The following ESRRG variants were observed in gnomAD, a reference collection of about 807,000 sequenced individuals.
ESRRG encodes estrogen-related receptor gamma.
In ESRRG, 13 loss-of-function variants were observed where a neutral mutation model predicts 44.0. That is an observed-to-expected ratio of 0.30 (90% CI 0.19 to 0.47). The LOEUF is 0.47. ESRRG is among the 20% of genes least tolerant of loss of function. The pLI, the probability that ESRRG is intolerant of heterozygous loss-of-function variation, is 1.00. For synonymous variants in ESRRG, 215 were observed against 214.6 expected (o/e 1.00, Z -0.02); for missense variants, 395 against 580.6 (o/e 0.68, Z 3.29).
At chr1:216,649,992 G>A (rs968044891) in intron 3 of ESRRG, among the ~76,000 whole-genome samples, 11 of 152,050 alleles carry the variant, frequency 7.2e-5, no homozygotes, top group African/African-American at 2.4e-4. Flanking sequence ...AATAGGACAA[G>A]CCCCAGAAAC....
intron 2 of ESRRG, among the ~76,000 whole-genome samples, chr1:216,745,261 C>T (rs752444030): frequency 1.4e-4 from 22 of 152,202 alleles, no homozygotes; most frequent in Non-Finnish European, 2.5e-4. Context: ...TGGGCTCCAG[C>T]GATCCTCTCA....
intron 5 of ESRRG, among the ~76,000 whole-genome samples, chr1:216,560,146 A>G (rs1297471820): frequency 6.6e-6 from 1 of 152,110 alleles, no homozygotes; most frequent in Non-Finnish European, 1.5e-5. Context: ...TTATTACATC[A>G]TCTTCCTTAT....
intron 6 of ESRRG, among the ~76,000 whole-genome samples, chr1:216,513,623 T>A (rs2043346056): frequency 6.6e-6 from 1 of 152,134 alleles, no homozygotes; most frequent in South Asian, 2.1e-4. Flanking sequence ...ACAGAAAACC[T>A]CCATGGTCGT....
chr1:216,806,541 G>A (rs753632746), intron 2 of ESRRG, among the ~76,000 whole-genome samples: 1 of 152,072 alleles, frequency 6.6e-6, no homozygotes, highest in South Asian at 2.1e-4. Context: ...GAGGCATGAC[G>A]ATGCAAAAGA....
At chr1:216,739,926 T>G (rs1339364892) in intron 2 of ESRRG, among the ~76,000 whole-genome samples, 1 of 152,150 alleles carries the variant, frequency 6.6e-6, no homozygotes, top group Non-Finnish European at 1.5e-5. Flanking sequence ...CCTGCCAGAC[T>G]CCTTCATTCC....
chr1:217,039,436 T>A (rs1319367635), intron 1 of ESRRG, among the ~76,000 whole-genome samples: 1 of 152,188 alleles, frequency 6.6e-6, no homozygotes, highest in Non-Finnish European at 1.5e-5. Flanking sequence ...CTCACAATCA[T>A]GGCATAAGGC....
At chr1:216,922,260 A>T (rs2061941512) in intron 2 of ESRRG, among the ~76,000 whole-genome samples, 1 of 152,232 alleles carries the variant, frequency 6.6e-6, no homozygotes, top group Non-Finnish European at 1.5e-5. Context: ...AGATAAAATT[A>T]AAAATAATAG....
intron 2 of ESRRG, among the ~76,000 whole-genome samples, chr1:216,878,015 G>T (rs1222954464): frequency 6.6e-6 from 1 of 152,176 alleles, no homozygotes; most frequent in Non-Finnish European, 1.5e-5. Flanking sequence ...GAATAAAACT[G>T]CTGGGTCATG....
At chr1:216,514,331 T>A (rs1326671263) in intron 6 of ESRRG, among the ~76,000 whole-genome samples, 1 of 152,162 alleles carries the variant, frequency 6.6e-6, no homozygotes, top group Non-Finnish European at 1.5e-5. Context: ...AAAGTTATAA[T>A]TTTGATTTCT....
intron 3 of ESRRG, among the ~76,000 whole-genome samples, chr1:216,634,357 G>A (rs1027726356): frequency 1.3e-5 from 2 of 151,868 alleles, no homozygotes. Flanking sequence ...TGCAAAGCAA[G>A]AGTTACAGTG....
At chr1:216,794,709 G>C (rs568736951) in intron 2 of ESRRG, among the ~76,000 whole-genome samples, 2 of 152,138 alleles carry the variant, frequency 1.3e-5, no homozygotes, top group African/African-American at 2.4e-5. Context: ...TAGTGAAAAG[G>C]GTTCACTGAG....
At position 216,937,885 on chromosome 1, in the gene ESRRG, C is replaced by A. The variant is rs551750567; in HGVS notation, c.-14+1697G>T. On this transcript the variant is annotated intron_variant, in intron 2 of 7. Coordinates refer to the ESRRG transcript ENST00000359162. ...GTGACCCACCAAAGAAATAGATTTA[C>A]CTTTTCCAAACTGAAATTGGCCTGC... Among the ~76,000 whole-genome samples the A allele has an allele frequency of 1.7e-4, 25 of 150,880 alleles. 1 individual carries two copies. The highest frequency in any genetic ancestry group is 5.6e-4 in the African/African-American group (23 of 40,850).
chr1:217,102,779 A>C (rs2092536296), intron 1 of ESRRG, among the ~76,000 whole-genome samples: 1 of 152,174 alleles, frequency 6.6e-6, no homozygotes, highest in Non-Finnish European at 1.5e-5. Flanking sequence ...TTTGGGAGAC[A>C]CTGGCACATA....
chr1:216,981,033 C>A (rs1488493275), intron 1 of ESRRG, among the ~76,000 whole-genome samples: 1 of 152,076 alleles, frequency 6.6e-6, no homozygotes, highest in Non-Finnish European at 1.5e-5. Flanking sequence ...TTATTAAGTA[C>A]CTACTAAGGC....
intron 1 of ESRRG, among the ~76,000 whole-genome samples, chr1:217,025,409 T>C (rs1359292766): frequency 6.6e-6 from 1 of 152,206 alleles, no homozygotes. Context: ...TTTCTGTACC[T>C]CTACACTAAA....
intron 3 of ESRRG, among the ~76,000 whole-genome samples, chr1:216,635,396 G>A (rs1413329794): frequency 6.6e-6 from 1 of 152,134 alleles, no homozygotes; most frequent in African/African-American, 2.4e-5. Context: ...ATAGCAAATG[G>A]TTTTTAAGGG....
chr1:216,505,822 C>A lies in ESRRG; in HGVS notation c.*1117G>T, dbSNP rs978290389. On this transcript the variant is annotated 3_prime_UTR_variant, in exon 7 of 7. Transcript: ENST00000408911. ...GTGATAATATGCACCTTCCCTTCAA[C>A]TATTGCTTGAGTAAGTTAAATTCCC... The A allele has an allele frequency of 6.6e-6, 1 of 152,574 alleles. No individual in the cohort carries two copies. The highest frequency in any genetic ancestry group is 2.4e-5 in the African/African-American group (1 of 41,448). The allele number at this position is 152,574 out of a possible 1,614,324, so 9.5% of individuals were successfully genotyped here. A position where few individuals can be genotyped will look rare whatever the true frequency, so the allele number is the denominator to read the frequency against.
At chr1:216,878,142 A>C (rs1425566059) in intron 2 of ESRRG, among the ~76,000 whole-genome samples, 1 of 152,136 alleles carries the variant, frequency 6.6e-6, no homozygotes, top group Non-Finnish European at 1.5e-5. Flanking sequence ...ATTTTTACTT[A>C]ATTCATGTTG....
Position 216,694,058 on chromosome 1 carries a change from G to T in ESRRG, c.57-16567C>A, listed in dbSNP as rs558039311. Among the ~76,000 whole-genome samples, 3 of 152,286 alleles carry T rather than the reference G, an allele frequency of 2.0e-5. No individual in the cohort carries two copies. In the South Asian group the frequency reaches 6.2e-4, roughly 32 times the overall value. On this transcript the variant is annotated intron_variant, in intron 1 of 6. Coordinates refer to ENST00000408911, the MANE Select transcript of ESRRG (RefSeq NM_001438.4). ...ACCCAAAAACCTGCTGTGTGAAGTA[G>T]TAAAATGATTATAAGATTTTTAACT... is the stretch of plus-strand genomic sequence containing the variant.
Sources: gnomAD v4.1 joint callset for allele counts (sites outside exome capture counted in the v4.1 genomes callset) on GRCh38, gnomAD v4.1.1 for gene constraint, MANE v1.5 for transcripts, NCBI Gene and HGNC (gene_info 2026-07-23, HGNC 2026-07-21) for gene names.